LGSN: variants seen among roughly 807,000 people sequenced by gnomAD.
The protein encoded by LGSN is lengsin, lens protein with glutamine synthetase domain.
In LGSN, 21 loss-of-function variants were observed where a neutral mutation model predicts 19.5. That is an observed-to-expected ratio of 1.07 (90% CI 0.76 to 1.55). The LOEUF is 1.55. Ranked by LOEUF, LGSN falls within the 40% of genes most tolerant of loss-of-function variation. The pLI is 0.00. For missense variants in LGSN, 673 were observed against 608.5 expected, an observed-to-expected ratio of 1.11 and a Z score of -1.12; for synonymous variants, 257 against 215.6, an observed-to-expected ratio of 1.19 and a Z score of -1.68.
chr6:63,445,829 T>C, the LGSN span, among the ~76,000 whole-genome samples: 1 of 152,174 alleles, frequency 6.6e-6, no homozygotes, highest in Non-Finnish European at 1.5e-5. Flanking sequence ...CCTTATCATC[T>C]ATTCTCCATT....
the LGSN span, among the ~76,000 whole-genome samples, chr6:63,548,414 T>C: frequency 4.6e-5 from 7 of 152,334 alleles, no homozygotes; most frequent in Admixed American, 2.0e-4. Context: ...CACTTTAAAC[T>C]GTTTGCTACT....
At chr6:63,281,330 T>A (rs1723515) in intron 3 of LGSN, 110 bp from the exon 4 acceptor site, 7,028 of 149,478 alleles carry the variant, frequency 0.047, 625 homozygotes, top group African/African-American at 0.18. Flanking sequence ...TATATATATA[T>A]AATAAATATA....
chr6:63,356,050 T>C, the LGSN span, among the ~76,000 whole-genome samples: 1 of 152,088 alleles, frequency 6.6e-6, no homozygotes, highest in East Asian at 1.9e-4. Flanking sequence ...CATCTATATA[T>C]ATATGTCCAA....
chr6:63,555,731 T>A, the LGSN span, among the ~76,000 whole-genome samples: 1 of 150,374 alleles, frequency 6.7e-6, no homozygotes, highest in Non-Finnish European at 1.5e-5. Flanking sequence ...TCTCGCTCTG[T>A]CACCCAGCCT....
At chr6:63,314,679 T>C (rs942782336) in intron 1 of LGSN, among the ~76,000 whole-genome samples, 3 of 152,080 alleles carry the variant, frequency 2.0e-5, no homozygotes, top group Non-Finnish European at 4.4e-5. Context: ...AGGTGGAGGG[T>C]TGTGATGCTT....
the LGSN span, among the ~76,000 whole-genome samples, chr6:63,462,214 G>A: frequency 6.6e-6 from 1 of 152,096 alleles, no homozygotes; most frequent in African/African-American, 2.4e-5. Flanking sequence ...AATATTACAG[G>A]CCTGTCTTTC....
At chr6:63,306,235 A>G (rs1049992980) in intron 1 of LGSN, among the ~76,000 whole-genome samples, 5 of 152,234 alleles carry the variant, frequency 3.3e-5, no homozygotes, top group Admixed American at 6.5e-5. Context: ...CACAGGGGTT[A>G]GGTAATTTGT....
At chr6:63,496,366 G>A in the LGSN span, among the ~76,000 whole-genome samples, 1 of 152,150 alleles carries the variant, frequency 6.6e-6, no homozygotes, top group Non-Finnish European at 1.5e-5. Flanking sequence ...ATAGCCACTA[G>A]GACAATGACA....
the LGSN span, among the ~76,000 whole-genome samples, chr6:63,340,602 G>T: frequency 6.7e-4 from 97 of 144,162 alleles, no homozygotes; most frequent in African/African-American, 2.3e-3. Context: ...TCATTTCCAG[G>T]ATTTCTGTTT....
chr6:63,356,805 C>T, the LGSN span, among the ~76,000 whole-genome samples: 1 of 151,910 alleles, frequency 6.6e-6, no homozygotes, highest in Non-Finnish European at 1.5e-5. Context: ...TTTATGGTTA[C>T]AAAGAAATGT....
the LGSN span, among the ~76,000 whole-genome samples, chr6:63,357,250 G>A: frequency 0.13 from 19,758 of 151,976 alleles, 2,823 homozygotes; most frequent in African/African-American, 0.36. Context: ...CATTTGGGCT[G>A]GTTCCAAGAC....
chr6:63,320,633 G>A (rs1427778771), upstream of LGSN, among the ~76,000 whole-genome samples: 1 of 152,190 alleles, frequency 6.6e-6, no homozygotes, highest in African/African-American at 2.4e-5. Flanking sequence ...CTCAGTAGAG[G>A]AAATAGGGAA....
the LGSN span, among the ~76,000 whole-genome samples, chr6:63,394,449 C>CAAA: frequency 6.6e-6 from 1 of 152,158 alleles, no homozygotes. Context: ...TGATGGTTTA[C>CAAA]AAATGTCAGG....
At chr6:63,379,897 G>T in the LGSN span, among the ~76,000 whole-genome samples, 3 of 151,988 alleles carry the variant, frequency 2.0e-5, no homozygotes, top group Non-Finnish European at 4.4e-5. Context: ...GAGTGTAATG[G>T]TGCAATCTTG....
chr6:63,437,758 T>G, the LGSN span, among the ~76,000 whole-genome samples: 1 of 151,456 alleles, frequency 6.6e-6, no homozygotes, highest in African/African-American at 2.4e-5. Flanking sequence ...AGTGAAACCC[T>G]GTCTCTACTG....
At chr6:63,442,379 C>T in the LGSN span, among the ~76,000 whole-genome samples, 1 of 152,180 alleles carries the variant, frequency 6.6e-6, no homozygotes, top group Admixed American at 6.5e-5. Context: ...TGCTTTTATT[C>T]CCTTATCTGG....
intron 1 of LGSN, among the ~76,000 whole-genome samples, chr6:63,317,662 G>C (rs1057414613): frequency 6.6e-6 from 1 of 152,182 alleles, no homozygotes; most frequent in African/African-American, 2.4e-5. Flanking sequence ...GCATAAAGCA[G>C]GGAAAGCTGG....
intron 1 of LGSN, among the ~76,000 whole-genome samples, chr6:63,317,316 G>C (rs1768903022): frequency 1.3e-5 from 2 of 152,154 alleles, no homozygotes; most frequent in Admixed American, 1.3e-4. Context: ...TAATGTCCCA[G>C]TGAGGTACAG....
chr6:63,354,182 A>G, the LGSN span, among the ~76,000 whole-genome samples: 1 of 152,180 alleles, frequency 6.6e-6, no homozygotes. Context: ...CACAACAAAG[A>G]AAACCATCAA....
Sources: allele counts gnomAD v4.1 joint callset (sites outside exome capture counted in the v4.1 genomes callset), GRCh38; gene constraint gnomAD v4.1.1; transcripts MANE v1.5; gene names NCBI Gene and HGNC (gene_info 2026-07-23, HGNC 2026-07-21).